The following TBC1D5 variants were observed in gnomAD, a reference collection of about 807,000 sequenced individuals.
TBC1D5 encodes TBC1 domain family member 5.
TBC1D5 carries 75 observed loss-of-function variants against 100.3 expected under a neutral mutation model. That is an observed-to-expected ratio of 0.75 (90% CI 0.62 to 0.91). The LOEUF (loss-of-function observed/expected upper bound fraction) is 0.91, where lower values mean the gene tolerates loss of function less well. TBC1D5 is among the 40% of genes least tolerant of loss of function. The probability of loss-of-function intolerance (pLI) is 0.00; values close to 1 mark genes in which losing one functional copy is unlikely to be tolerated. For synonymous variants in TBC1D5, 323 were observed against 325.6 expected (o/e 0.99, Z 0.09); for missense variants, 910 against 942.4 (o/e 0.97, Z 0.45).
intron 3 of TBC1D5, among the ~76,000 whole-genome samples, chr3:17,435,334 C>T (rs2094516886): frequency 6.6e-6 from 1 of 152,126 alleles, no homozygotes; most frequent in African/African-American, 2.4e-5. Flanking sequence ...TACCTTATCA[C>T]ATTGCTATAA....
chr3:17,402,394 G>T (rs746314088), intron 8 of TBC1D5, among the ~76,000 whole-genome samples: 4 of 152,040 alleles, frequency 2.6e-5, no homozygotes, highest in Non-Finnish European at 5.9e-5. Context: ...AGATCCTAAG[G>T]ATTACATTAA....
intron 2 of TBC1D5, among the ~76,000 whole-genome samples, chr3:17,556,016 T>C (rs890177431): frequency 3.9e-5 from 6 of 152,120 alleles, no homozygotes; most frequent in Non-Finnish European, 8.8e-5. Flanking sequence ...AAATTGCTGA[T>C]ATTTAATAGT....
At chr3:17,622,216 T>C (rs2062721030) in intron 2 of TBC1D5, among the ~76,000 whole-genome samples, 1 of 152,144 alleles carries the variant, frequency 6.6e-6, no homozygotes, top group Non-Finnish European at 1.5e-5. Flanking sequence ...GTAACAGGGT[T>C]TGCACACCCA....
In TBC1D5 at chr3:17,711,317, T is replaced by C. The variant is rs57877546; in HGVS notation, c.-101+28026A>G. ...TTTGCATTATGAAGTACTTGATACA[T>C]GCAAAAGAATACATGTATTAGTTAC... is the stretch of plus-strand genomic sequence containing the variant. On this transcript the variant is annotated intron_variant, in intron 1 of 21. Coordinates refer to ENST00000253692, the Ensembl canonical transcript of TBC1D5. Among the ~76,000 whole-genome samples, 814 of 152,282 alleles carry C rather than the reference T, an allele frequency of 5.3e-3. 12 individuals are homozygous for C. Among genetic ancestry groups the C allele is most frequent in the African/African-American group, 0.019 (782 of 41,548 alleles).
In TBC1D5 at chr3:17,673,311, C is replaced by CTTTTTTT. The variant is rs374496313; in HGVS notation, c.-100-49405_-100-49399dup. On this transcript the variant is annotated intron_variant, in intron 1 of 21. Coordinates refer to ENST00000253692, the Ensembl canonical transcript of TBC1D5. ...TATTTTCTGTACTTTCTTTTCTTTT[C>CTTTTTTT]TTTTTTTTTTTTTTTTTGAGACAGG... Among the ~76,000 whole-genome samples, 387 of 125,822 alleles carry CTTTTTTT rather than the reference C, an allele frequency of 3.1e-3. 2 individuals are homozygous for CTTTTTTT. The highest frequency in any genetic ancestry group is 4.9e-3 in the East Asian group (21 of 4,286). 82.5% of individuals were successfully genotyped at this position (125,822 alleles called of 152,430 possible). A position where few individuals can be genotyped will look rare whatever the true frequency, so the allele number is the denominator to read the frequency against.
intron 18 of TBC1D5, among the ~76,000 whole-genome samples, chr3:17,209,269 C>T (rs1418871656): frequency 6.6e-6 from 1 of 152,178 alleles, no homozygotes; most frequent in African/African-American, 2.4e-5. Context: ...ACCTCAGTCT[C>T]CCAAGTGGCT....
At chr3:17,474,475 T>A (rs779862946) in intron 3 of TBC1D5, among the ~76,000 whole-genome samples, 2 of 152,034 alleles carry the variant, frequency 1.3e-5, no homozygotes, top group Non-Finnish European at 2.9e-5. Context: ...GTATGAACAT[T>A]AGCAATATTT....
intron 19 of TBC1D5, among the ~76,000 whole-genome samples, chr3:17,172,277 A>G (rs1220110847): frequency 6.6e-6 from 1 of 152,226 alleles, no homozygotes; most frequent in African/African-American, 2.4e-5. Context: ...GACCATGTAA[A>G]TCATTTCCCT....
intron 3 of TBC1D5, among the ~76,000 whole-genome samples, chr3:17,489,904 C>T (rs748706376): frequency 2.0e-5 from 3 of 152,136 alleles, no homozygotes; most frequent in Non-Finnish European, 2.9e-5. Context: ...AATGGTATTT[C>T]TGCCTTTAGG....
At chr3:17,392,058 C>T (rs1287716003) in intron 8 of TBC1D5, among the ~76,000 whole-genome samples, 1 of 152,050 alleles carries the variant, frequency 6.6e-6, no homozygotes, top group Non-Finnish European at 1.5e-5. Flanking sequence ...CACACTGCTT[C>T]TGGGCAAAGA....
chr3:17,701,884 G>C (rs1239660859), intron 1 of TBC1D5, among the ~76,000 whole-genome samples: 1 of 151,210 alleles, frequency 6.6e-6, no homozygotes, highest in African/African-American at 2.4e-5. Context: ...ATAAGGGCTA[G>C]ATGTACTATA....
At chr3:17,255,573 A>T (rs1434244929) in intron 16 of TBC1D5, among the ~76,000 whole-genome samples, 1 of 152,046 alleles carries the variant, frequency 6.6e-6, no homozygotes, top group Non-Finnish European at 1.5e-5. Flanking sequence ...AGTTACATCC[A>T]CTACAAATAT....
intron 9 of TBC1D5, 123 bp downstream of exon 9, chr3:17,383,790 G>C (rs905835447): frequency 7.8e-6 from 5 of 640,540 alleles, no homozygotes; most frequent in African/African-American, 3.6e-5. Flanking sequence ...GCAACTCTCT[G>C]ATTGCTTTAG....
intron 18 of TBC1D5, among the ~76,000 whole-genome samples, chr3:17,206,521 C>T (rs1407093560): frequency 2.0e-5 from 3 of 152,026 alleles, no homozygotes; most frequent in Admixed American, 6.6e-5. Context: ...TATTTTGTCA[C>T]GATAAAGAAT....
At chr3:17,227,546 T>C (rs1355301347) in intron 17 of TBC1D5, among the ~76,000 whole-genome samples, 2 of 152,074 alleles carry the variant, frequency 1.3e-5, no homozygotes, top group South Asian at 2.1e-4. Flanking sequence ...ATGTTCTTTG[T>C]AGGAACATAG....
At chr3:17,404,551 A>G in intron 7 of TBC1D5, 143 bp downstream of exon 7, 1 of 667,094 alleles carries the variant, frequency 1.5e-6, no homozygotes, top group Non-Finnish European at 2.5e-6. Flanking sequence ...AATCATTTCT[A>G]CCAGGTTTTA....
chr3:17,316,415 TC>T (rs2084706764), intron 13 of TBC1D5, among the ~76,000 whole-genome samples: 2 of 152,170 alleles, frequency 1.3e-5, no homozygotes, highest in Admixed American at 1.3e-4. Flanking sequence ...ATGAGCCCTC[TC>T]TTCTGAAAAA....
intron 19 of TBC1D5, among the ~76,000 whole-genome samples, chr3:17,171,099 G>A (rs2067133101): frequency 6.6e-6 from 1 of 152,176 alleles, no homozygotes; most frequent in African/African-American, 2.4e-5. Context: ...GTTTTGCTGT[G>A]AGCCTCTCAC....
chr3:17,347,078 T>G (rs1451818444), intron 13 of TBC1D5, among the ~76,000 whole-genome samples: 1 of 152,240 alleles, frequency 6.6e-6, no homozygotes, highest in East Asian at 1.9e-4. Context: ...ATGTATGTTT[T>G]ACAACCTAAA....
Sources: allele counts gnomAD v4.1 joint callset (sites outside exome capture counted in the v4.1 genomes callset), GRCh38; gene constraint gnomAD v4.1.1; transcripts MANE v1.5; gene names NCBI Gene and HGNC (gene_info 2026-07-23, HGNC 2026-07-21).